Variants in DLG2 observed in about 807,000 individuals in gnomAD.
The protein encoded by DLG2 is disks large homolog 2.
A neutral mutation model predicts 132.5 loss-of-function variants in DLG2; 45 were observed. The observed-to-expected ratio is 0.34, with a 90% CI of 0.27 to 0.44. DLG2 has a LOEUF of 0.44. DLG2 is among the 20% of genes least tolerant of loss of function. The pLI is 1.00. For missense variants in DLG2, 1,045 were observed against 1,196.9 expected, an observed-to-expected ratio of 0.87 and a Z score of 1.87; for synonymous variants, 424 against 419.6, an observed-to-expected ratio of 1.01 and a Z score of -0.13.
At chr11:84,149,150 T>C (rs762955423) in intron 9 of DLG2, among the ~76,000 whole-genome samples, 3 of 152,218 alleles carry the variant, frequency 2.0e-5, no homozygotes, top group Non-Finnish European at 4.4e-5. Context: ...TTGCAGATTT[T>C]TCTCCCATTC....
At chr11:84,433,914 C>T (rs1436561615) in intron 7 of DLG2, among the ~76,000 whole-genome samples, 2 of 151,872 alleles carry the variant, frequency 1.3e-5, no homozygotes, top group Non-Finnish European at 2.9e-5. Flanking sequence ...CTCAGGAGTT[C>T]GAGACCACTT....
intron 8 of DLG2, among the ~76,000 whole-genome samples, chr11:84,190,401 G>T (rs1221676142): frequency 6.6e-6 from 1 of 152,244 alleles, no homozygotes; most frequent in East Asian, 1.9e-4. Context: ...TACAAAGTTG[G>T]ATTTGGAACC....
chr11:84,276,949 A>G (rs768743513), intron 7 of DLG2, among the ~76,000 whole-genome samples: 2 of 152,206 alleles, frequency 1.3e-5, no homozygotes, highest in African/African-American at 2.4e-5. Context: ...CAATGAACAC[A>G]GAGAGAAAAG....
chr11:84,256,874 A>AG (rs1261582078), intron 7 of DLG2, among the ~76,000 whole-genome samples: 1 of 152,148 alleles, frequency 6.6e-6, no homozygotes, highest in African/African-American at 2.4e-5. Flanking sequence ...CAGAACCTCA[A>AG]GGTAAATATT....
At chr11:84,356,947 AT>A (rs1177906631) in intron 7 of DLG2, among the ~76,000 whole-genome samples, 1 of 152,050 alleles carries the variant, frequency 6.6e-6, no homozygotes. Context: ...TTCAAGGGCT[AT>A]TGGGTAGAAA....
intron 7 of DLG2, among the ~76,000 whole-genome samples, chr11:84,255,575 C>T (rs548155854): frequency 8.1e-4 from 124 of 152,264 alleles, no homozygotes; most frequent in African/African-American, 2.8e-3. Context: ...CCACACGCCT[C>T]GGCCCCCAAA....
chr11:85,588,895 G>A (rs1462037857), intron 3 of DLG2, among the ~76,000 whole-genome samples: 2 of 152,090 alleles, frequency 1.3e-5, no homozygotes, highest in Non-Finnish European at 2.9e-5. Context: ...CTTCCCCTAG[G>A]GATGAGGCTT....
chr11:83,653,858 T>G (rs1591783892), intron 18 of DLG2, among the ~76,000 whole-genome samples: 1 of 151,980 alleles, frequency 6.6e-6, no homozygotes, highest in East Asian at 1.9e-4. Context: ...GAGTAGCTGG[T>G]ATTACAGGCA....
Position 85,493,029 on chromosome 11 carries a change from A to T in DLG2, c.40+105628T>A, listed in dbSNP as rs182558067. Among the ~76,000 whole-genome samples the T allele has an allele frequency of 6.0e-4, 92 of 152,288 alleles. 1 individual carries two copies. The East Asian group carries it at 0.016, about 27-fold the overall frequency. On this transcript the variant is annotated intron_variant, in intron 3 of 27. Coordinates refer to ENST00000376104, the MANE Select transcript of DLG2 (RefSeq NM_001142699.3). Reference sequence around the variant, plus strand: ...TATAAAAAAAAAAGAGCTTTATTTTAAAAACCATGGTTAATAATTTTCCTG... The same window carrying T: ...TATAAAAAAAAAAGAGCTTTATTTTTAAAACCATGGTTAATAATTTTCCTG...
chr11:85,332,420 A>C (rs1466607610), intron 3 of DLG2, among the ~76,000 whole-genome samples: 1 of 150,452 alleles, frequency 6.6e-6, no homozygotes, highest in Admixed American at 6.6e-5. Flanking sequence ...CAGGTTGTCT[A>C]CTCTCTATGG....
chr11:83,704,131 C>G (rs1474958466), intron 18 of DLG2, among the ~76,000 whole-genome samples: 1 of 151,950 alleles, frequency 6.6e-6, no homozygotes, highest in Non-Finnish European at 1.5e-5. Flanking sequence ...AATAAAATAT[C>G]CTTTTAAGAT....
intron 11 of DLG2, among the ~76,000 whole-genome samples, chr11:84,035,114 AT>A (rs576504121): frequency 1.8e-4 from 28 of 152,054 alleles, no homozygotes; most frequent in African/African-American, 6.0e-4. Flanking sequence ...GGTACTGTTC[AT>A]TTTTTCTCAA....
intron 19 of DLG2, among the ~76,000 whole-genome samples, chr11:83,576,211 A>G (rs2144325202): frequency 6.6e-6 from 1 of 152,314 alleles, no homozygotes; most frequent in East Asian, 1.9e-4. Context: ...TTAGTTACTA[A>G]CCAACTAACC....
At chr11:85,296,956 T>C (rs1239596797) in intron 3 of DLG2, among the ~76,000 whole-genome samples, 2 of 150,472 alleles carry the variant, frequency 1.3e-5, no homozygotes, top group Non-Finnish European at 3.0e-5. Flanking sequence ...CAAATTATAT[T>C]AATTATATAA....
intron 3 of DLG2, among the ~76,000 whole-genome samples, chr11:85,495,987 C>G (rs940379374): frequency 1.3e-5 from 2 of 152,180 alleles, no homozygotes; most frequent in African/African-American, 4.8e-5. Context: ...GAGATCGACG[C>G]AGAAGACACG....
intron 17 of DLG2, among the ~76,000 whole-genome samples, chr11:83,821,793 A>G (rs1338044872): frequency 6.6e-6 from 1 of 151,956 alleles, no homozygotes; most frequent in East Asian, 1.9e-4. Flanking sequence ...ATATACATGT[A>G]TATGAATTGC....
chr11:84,960,400 C>A (rs1365045609), intron 6 of DLG2, among the ~76,000 whole-genome samples: 4 of 151,844 alleles, frequency 2.6e-5, no homozygotes, highest in African/African-American at 9.7e-5. Flanking sequence ...GAATATAATT[C>A]TCTCACTTAT....
chr11:85,273,855 C>G (rs2077708189), intron 4 of DLG2, among the ~76,000 whole-genome samples: 1 of 152,142 alleles, frequency 6.6e-6, no homozygotes, highest in African/African-American at 2.4e-5. Context: ...GGAACCAACC[C>G]AAATGTCCAT....
At chr11:85,405,599 TCTC>T (rs1004994717) in intron 3 of DLG2, among the ~76,000 whole-genome samples, 4 of 151,974 alleles carry the variant, frequency 2.6e-5, no homozygotes, top group Admixed American at 2.6e-4. Context: ...ATATTACTAA[TCTC>T]CACAACAACT....
Sources: allele counts gnomAD v4.1 joint callset (sites outside exome capture counted in the v4.1 genomes callset), GRCh38; gene constraint gnomAD v4.1.1; transcripts MANE v1.5; gene names NCBI Gene and HGNC (gene_info 2026-07-23, HGNC 2026-07-21).